ANO10: variants seen among roughly 807,000 people sequenced by gnomAD.
The protein encoded by ANO10 is anoctamin 10.
Under a neutral mutation model 74.7 loss-of-function variants are expected in ANO10, and 77 were observed. The ratio of observed to expected loss-of-function variants is 1.03; its 90% confidence interval spans 0.86 to 1.25. The LOEUF (loss-of-function observed/expected upper bound fraction) is 1.25, where lower values mean the gene tolerates loss of function less well. Among genes scored for constraint, ANO10 ranks in the 50% most tolerant of loss-of-function variants. The pLI is 0.00. For missense variants in ANO10, 721 were observed against 778.1 expected (o/e 0.93, Z 0.87); for synonymous variants, 279 against 284.9 (o/e 0.98, Z 0.21).
intron 1 of ANO10, among the ~76,000 whole-genome samples, chr3:43,634,347 T>G (rs2083583536): frequency 6.6e-6 from 1 of 152,136 alleles, no homozygotes; most frequent in African/African-American, 2.4e-5. Context: ...AGTATAAAAA[T>G]AAAAGACTAT....
At chr3:43,447,674 T>C (rs1210341691) in intron 11 of ANO10, among the ~76,000 whole-genome samples, 3 of 152,236 alleles carry the variant, frequency 2.0e-5, no homozygotes, top group Non-Finnish European at 2.9e-5. Context: ...TAAATTCTAA[T>C]GAAGTTCTAC....
At position 43,592,261 on chromosome 3, in the gene ANO10, G is replaced by A. The variant is rs1023027021; in HGVS notation, c.472+6271C>T. 5.3e-5 allele frequency among the ~76,000 whole-genome samples: 8 copies of A among 152,326 alleles called. No individual in the cohort carries two copies. In the East Asian group the frequency reaches 1.5e-3, roughly 29 times the overall value. Reference sequence around the variant, plus strand: ...TTTGAAGAGAGTAGTGGTTCTCCCAGCACGCAGCTGGAGATCTGAGAACGG... The same window carrying A: ...TTTGAAGAGAGTAGTGGTTCTCCCAACACGCAGCTGGAGATCTGAGAACGG... On this transcript the variant is annotated intron_variant, in intron 4 of 12. Transcript: ENST00000292246.
In ANO10 at chr3:43,690,772, G is replaced by C. The variant is rs1305509250; in HGVS notation, c.-12+745C>G. On this transcript the variant is annotated intron_variant, in intron 1 of 3. Coordinates refer to the ANO10 transcript ENST00000413397. The stretch of plus-strand genomic sequence containing the variant: ...CCCCGCGCTTACACCCGGGAGCGTC[G>C]GGCGGGAGAACTAGTGCATGCTGGC... 8 of 434,770 alleles carry C rather than the reference G, an allele frequency of 1.8e-5. No homozygotes were observed. In the Admixed American group the frequency reaches 3.1e-4, roughly 17 times the overall value. The allele number at this position is 434,770 out of a possible 1,614,324, so 26.9% of individuals were successfully genotyped here. A position where few individuals can be genotyped will look rare whatever the true frequency, so the allele number is the denominator to read the frequency against.
At chr3:43,640,009 T>C (rs1365907154) in intron 1 of ANO10, among the ~76,000 whole-genome samples, 1 of 152,052 alleles carries the variant, frequency 6.6e-6, no homozygotes, top group African/African-American at 2.4e-5. Flanking sequence ...AGAAGATGTA[T>C]GTTAGGGTGA....
At chr3:43,401,646 A>C (rs535852198) in intron 12 of ANO10, among the ~76,000 whole-genome samples, 5 of 152,376 alleles carry the variant, frequency 3.3e-5, no homozygotes, top group South Asian at 2.1e-4. Flanking sequence ...AATGAATTAA[A>C]ATCGGGACAA....
chr3:43,425,502 C>T (rs1045469549), intron 12 of ANO10, among the ~76,000 whole-genome samples: 1 of 152,040 alleles, frequency 6.6e-6, no homozygotes, highest in Non-Finnish European at 1.5e-5. Flanking sequence ...ACAGAACGGA[C>T]CCCCTCCCCT....
At chr3:43,639,550 G>A (rs903232114) in intron 1 of ANO10, among the ~76,000 whole-genome samples, 4 of 152,170 alleles carry the variant, frequency 2.6e-5, no homozygotes, top group African/African-American at 4.8e-5. Flanking sequence ...GGATCACGAG[G>A]TCAGGAGATT....
intron 2 of ANO10, among the ~76,000 whole-genome samples, chr3:43,601,881 C>T (rs188827546): frequency 1.2e-4 from 18 of 152,318 alleles, no homozygotes; most frequent in African/African-American, 4.1e-4. Context: ...GCTCTCCCTT[C>T]AAGACAATCT....
intron 11 of ANO10, among the ~76,000 whole-genome samples, chr3:43,521,417 A>G (rs1404958084): frequency 6.6e-6 from 1 of 152,210 alleles, no homozygotes; most frequent in Non-Finnish European, 1.5e-5. Flanking sequence ...AAAATGATAA[A>G]TAGTAGAGAA....
intron 1 of ANO10, among the ~76,000 whole-genome samples, chr3:43,668,952 G>T (rs566139173): frequency 6.3e-4 from 96 of 152,102 alleles, no homozygotes; most frequent in Non-Finnish European, 1.2e-3. Context: ...CATATCAATT[G>T]TACTTCTTTA....
At chr3:43,502,324 TTGGGTC>T (rs563505257) in intron 11 of ANO10, among the ~76,000 whole-genome samples, 221 of 152,294 alleles carry the variant, frequency 1.5e-3, no homozygotes, top group African/African-American at 5.1e-3. Context: ...TGGACAGTGT[TTGGGTC>T]ATGGGGGCAG....
At chr3:43,399,451 G>T (rs146210259) in intron 12 of ANO10, among the ~76,000 whole-genome samples, 1 of 151,966 alleles carries the variant, frequency 6.6e-6, no homozygotes, top group Non-Finnish European at 1.5e-5. Context: ...TTTCATTATG[G>T]TGTCTGTCTG....
At position 43,678,779 on chromosome 3, in the gene ANO10, G is replaced by A. The variant is rs190616640; in HGVS notation, c.-12+12738C>T. Among the ~76,000 whole-genome samples the A allele has an allele frequency of 8.5e-5, 13 of 152,196 alleles. No individual in the cohort carries two copies. The Middle Eastern group carries it at 0.01, about 119-fold the overall frequency. ...ACTCCTACAGTAAAGTCATAAAATT[G>A]TAATTTGAGCCATTATAAGTTGGGG... On this transcript the variant is annotated intron_variant, in intron 1 of 3. Transcript: ENST00000413397.
chr3:43,433,358 A>G (rs1248623475), intron 11 of ANO10, among the ~76,000 whole-genome samples: 1 of 152,154 alleles, frequency 6.6e-6, no homozygotes, highest in Non-Finnish European at 1.5e-5. Flanking sequence ...ACTCTTTTCT[A>G]GAAACGCATC....
intron 12 of ANO10, among the ~76,000 whole-genome samples, chr3:43,404,201 CT>C (rs2092534150): frequency 6.6e-6 from 1 of 152,182 alleles, no homozygotes; most frequent in Non-Finnish European, 1.5e-5. Context: ...CAGAGAGACT[CT>C]TTATAGGTGG....
chr3:43,551,069 C>T (rs1174882436), intron 10 of ANO10, among the ~76,000 whole-genome samples: 3 of 152,318 alleles, frequency 2.0e-5, no homozygotes, highest in Admixed American at 6.5e-5. Context: ...TGCCACACTG[C>T]TTCTGCATTT....
At chr3:43,458,774 C>G (rs1288385354) in intron 11 of ANO10, among the ~76,000 whole-genome samples, 6 of 152,140 alleles carry the variant, frequency 3.9e-5, no homozygotes, top group Non-Finnish European at 8.8e-5. Flanking sequence ...GCTCTGCATA[C>G]ATTAGGGATT....
intron 12 of ANO10, among the ~76,000 whole-genome samples, chr3:43,418,885 T>C (rs180985280): frequency 1.4e-3 from 207 of 152,342 alleles, no homozygotes; most frequent in Non-Finnish European, 2.2e-3. Context: ...TAAACAAAGT[T>C]TACTGGAACA....
At chr3:43,615,942 C>G (rs1031830661) in intron 1 of ANO10, among the ~76,000 whole-genome samples, 1 of 152,048 alleles carries the variant, frequency 6.6e-6, no homozygotes, top group Non-Finnish European at 1.5e-5. Context: ...TGTGAGCCAC[C>G]GCGCCCGGCT....
Sources: allele counts gnomAD v4.1 joint callset (sites outside exome capture counted in the v4.1 genomes callset), GRCh38; gene constraint gnomAD v4.1.1; transcripts MANE v1.5; gene names NCBI Gene and HGNC (gene_info 2026-07-23, HGNC 2026-07-21).